NFAT5: variants seen among roughly 807,000 people sequenced by gnomAD.
The protein encoded by NFAT5 is nuclear factor of activated T cells 5.
In NFAT5, 31 loss-of-function variants were observed where a neutral mutation model predicts 166.5. That is an observed-to-expected ratio of 0.19 (90% CI 0.14 to 0.25). NFAT5 has a LOEUF of 0.25. Among genes scored for constraint, NFAT5 ranks in the 10% least tolerant of loss-of-function variants. The pLI, the probability that NFAT5 is intolerant of heterozygous loss-of-function variation, is 1.00. For synonymous variants in NFAT5, 612 were observed against 639.7 expected, an observed-to-expected ratio of 0.96 and a Z score of 0.65; for missense variants, 1,449 against 1,821.8, an observed-to-expected ratio of 0.80 and a Z score of 3.72.
intron 3 of NFAT5, among the ~76,000 whole-genome samples, chr16:69,636,456 A>G (rs532699349): frequency 1.1e-4 from 16 of 152,230 alleles, no homozygotes; most frequent in South Asian, 2.1e-4. Context: ...CACATTTTCC[A>G]TCTGCTTTGC....
At position 69,585,819 on chromosome 16, in the gene NFAT5, C is replaced by CTAGAAAGTAGAATATTGGT. The variant is rs1340464979; in HGVS notation, c.127+17274_127+17292dup. On this transcript the variant is annotated intron_variant, in intron 2 of 14. Transcript: ENST00000349945. ...GCAGAGAAAGAAAGTAGAATATTGT[C>CTAGAAAGTAGAATATTGGT]TAGAAAGTAGAATATTGGTTACCAG... 2.0e-5 allele frequency among the ~76,000 whole-genome samples: 3 copies of CTAGAAAGTAGAATATTGGT among 151,990 alleles called. No homozygotes were observed. The East Asian group carries it at 5.8e-4, about 29-fold the overall frequency.
chr16:69,600,289 G>A (rs939682431), intron 2 of NFAT5, among the ~76,000 whole-genome samples: 1 of 152,142 alleles, frequency 6.6e-6, no homozygotes, highest in Admixed American at 6.6e-5. Context: ...AAATCAATTA[G>A]GAGTTTATTG....
intron 2 of NFAT5, among the ~76,000 whole-genome samples, chr16:69,604,942 A>G (rs1489808684): frequency 6.6e-6 from 1 of 152,128 alleles, no homozygotes; most frequent in African/African-American, 2.4e-5. Context: ...TGTGTTACCT[A>G]TTCATCCACT....
rs923852685 is a variant in NFAT5 at position 69,690,932 on chromosome 16, A to G, written c.1775-8A>G. On this transcript the variant is annotated splice_polypyrimidine_tract_variant and splice_region_variant and intron_variant, in intron 11 of 14. Transcript: ENST00000349945. ...TAAACTTTTCTTTTTGTGTGTGTGT[A>G]TATGCAGCAATGAAAACTACTGGAT... 5.3e-6 allele frequency: 8 copies of G among 1,518,864 alleles called. No individual in the cohort carries two copies. The highest frequency in any genetic ancestry group is 6.2e-6 in the Non-Finnish European group (7 of 1,135,040). The allele number at this position is 1,518,864 out of a possible 1,614,324, so 94.1% of individuals were successfully genotyped here. A position where few individuals can be genotyped will look rare whatever the true frequency, so the allele number is the denominator to read the frequency against.
At chr16:69,594,546 A>G (rs920843266) in intron 2 of NFAT5, among the ~76,000 whole-genome samples, 1 of 152,186 alleles carries the variant, frequency 6.6e-6, no homozygotes, top group Non-Finnish European at 1.5e-5. Context: ...TAAGTGGCAT[A>G]TAGCAGGTTT....
intron 3 of NFAT5, among the ~76,000 whole-genome samples, chr16:69,628,821 C>T (rs886863159): frequency 6.6e-6 from 1 of 152,134 alleles, no homozygotes; most frequent in African/African-American, 2.4e-5. Context: ...GTGGCTCACA[C>T]CAGCACTTTG....
At chr16:69,680,245 A>G (rs1451419294) in intron 10 of NFAT5, among the ~76,000 whole-genome samples, 1 of 152,220 alleles carries the variant, frequency 6.6e-6, no homozygotes, top group African/African-American at 2.4e-5. Context: ...TAATTAATAC[A>G]TAGGATTTGT....
At chr16:69,680,283 G>A (rs940220709) in intron 10 of NFAT5, among the ~76,000 whole-genome samples, 2 of 152,134 alleles carry the variant, frequency 1.3e-5, no homozygotes, top group Non-Finnish European at 2.9e-5. Context: ...CATCAGTTGT[G>A]TTGGAAGGGA....
At chr16:69,598,734 G>T (rs1463540690) in intron 2 of NFAT5, among the ~76,000 whole-genome samples, 1 of 152,094 alleles carries the variant, frequency 6.6e-6, no homozygotes, top group Non-Finnish European at 1.5e-5. Context: ...TTATAAAAAT[G>T]TCAGCGTAGG....
At chr16:69,690,917 T>C (rs773554000) in intron 11 of NFAT5, 23 bp from the exon 12 acceptor site, 8 of 1,451,904 alleles carry the variant, frequency 5.5e-6, no homozygotes, top group Non-Finnish European at 7.3e-6. Context: ...TAAACTTTTC[T>C]TTTTGTGTGT....
In NFAT5 at chr16:69,566,371, C is replaced by A. The variant is rs751651727; in HGVS notation, c.70C>A (p.Arg24=). The A allele has an allele frequency of 6.6e-7, 1 of 1,519,642 alleles. No homozygotes were observed. Among genetic ancestry groups the A allele is most frequent in the South Asian group, 1.2e-5 (1 of 86,854 alleles). The allele number at this position is 1,519,642 out of a possible 1,614,324, so 94.1% of individuals were successfully genotyped here. A position where few individuals can be genotyped will look rare whatever the true frequency, so the allele number is the denominator to read the frequency against. The change falls in exon 1 of 15, where the codon CGA becomes AGA. Residue 24 remains arginine (R), a synonymous_variant. Coordinates refer to ENST00000349945, the MANE Select transcript of NFAT5 (RefSeq NM_138713.4). The surrounding 1 kb of genome is among the most constrained non-coding windows in gnomAD (Gnocchi z 5.7). ...DLESPKSLYS[R]DSLKLHPSQN... ...GGAATCGCCCAAGTCCCTCTACTCG[C>A]GAGGTGAGTCAGGCTGTGGGGGGTG...
chr16:69,605,354 C>T (rs985428114), intron 2 of NFAT5, among the ~76,000 whole-genome samples: 2 of 152,096 alleles, frequency 1.3e-5, no homozygotes, highest in Non-Finnish European at 2.9e-5. Context: ...GTAGGAGAAT[C>T]GCTTGAACCC....
intron 2 of NFAT5, among the ~76,000 whole-genome samples, chr16:69,581,004 T>C (rs183661682): frequency 3.5e-4 from 54 of 152,268 alleles, no homozygotes; most frequent in African/African-American, 1.3e-3. Flanking sequence ...CTTAAAAAAA[T>C]TGAGAAAAAA....
At chr16:69,623,679 G>A (rs1489716797) in intron 2 of NFAT5, among the ~76,000 whole-genome samples, 1 of 151,790 alleles carries the variant, frequency 6.6e-6, no homozygotes, top group Non-Finnish European at 1.5e-5. Flanking sequence ...GGCTAATTTT[G>A]TATTTTTAGT....
chr16:69,608,605 A>T (rs1341200132), intron 2 of NFAT5, among the ~76,000 whole-genome samples: 3 of 150,254 alleles, frequency 2.0e-5, no homozygotes, highest in Non-Finnish European at 4.4e-5. Context: ...AAATAAGTAT[A>T]TTGAAAATTA....
intron 3 of NFAT5, among the ~76,000 whole-genome samples, chr16:69,627,341 TA>T: frequency 1.4e-3 from 1 of 712 alleles, no homozygotes; most frequent in Non-Finnish European, 3.6e-3. Flanking sequence ...TATATATATA[TA>T]TATATATATA....
At chr16:69,629,074 CAAAAAGA>C (rs376251170) in intron 3 of NFAT5, among the ~76,000 whole-genome samples, 2 of 151,724 alleles carry the variant, frequency 1.3e-5, no homozygotes, top group Non-Finnish European at 2.9e-5. Flanking sequence ...AACTCCGTCT[CAAAAAGA>C]AAAAAGAAAA....
chr16:69,597,533 C>T (rs1003657527), intron 2 of NFAT5, among the ~76,000 whole-genome samples: 7 of 151,696 alleles, frequency 4.6e-5, no homozygotes, highest in African/African-American at 9.7e-5. Context: ...TCTTTACTCT[C>T]GCTTGTTGAG....
intron 2 of NFAT5, among the ~76,000 whole-genome samples, chr16:69,582,692 C>G (rs1282638486): frequency 8.0e-6 from 1 of 124,632 alleles, no homozygotes; most frequent in Admixed American, 8.1e-5. Context: ...TTTTTTTTTT[C>G]TTCTGGACTC....
Sources: allele counts gnomAD v4.1 joint callset (sites outside exome capture counted in the v4.1 genomes callset), GRCh38; gene constraint gnomAD v4.1.1; non-coding constraint Gnocchi (gnomAD v3.1); transcripts MANE v1.5; gene names NCBI Gene and HGNC (gene_info 2026-07-23, HGNC 2026-07-21).